NPAS2: variants seen among roughly 807,000 people sequenced by gnomAD.
NPAS2 encodes neuronal PAS domain-containing protein 2.
In NPAS2, 23 loss-of-function variants were observed where a neutral mutation model predicts 107.5. The ratio of observed to expected loss-of-function variants is 0.21; its 90% confidence interval spans 0.15 to 0.30. The LOEUF (loss-of-function observed/expected upper bound fraction) is 0.30, where lower values mean the gene tolerates loss of function less well. Among genes scored for constraint, NPAS2 ranks in the 10% least tolerant of loss-of-function variants. The pLI, the probability that NPAS2 is intolerant of heterozygous loss-of-function variation, is 1.00. For missense variants in NPAS2, 756 were observed against 1,043.3 expected, an observed-to-expected ratio of 0.72 and a Z score of 3.79; for synonymous variants, 403 against 417.5, an observed-to-expected ratio of 0.97 and a Z score of 0.42.
At position 100,976,086 on chromosome 2, in the gene NPAS2, A is replaced by G. The variant is rs1193211888; in HGVS notation, c.1392+519A>G. Among the ~76,000 whole-genome samples, 1 of 152,112 alleles carries G rather than the reference A, an allele frequency of 6.6e-6. No homozygotes were observed. The highest frequency in any genetic ancestry group is 2.4e-5 in the African/African-American group (1 of 41,416). ...TATTGCCAGGTAGCAAACTACACCT[A>G]ACTTAGTGGCCTAAAGCAACCACAT... On this transcript the variant is annotated intron_variant, in intron 14 of 20. Coordinates refer to ENST00000335681, the MANE Select transcript of NPAS2 (RefSeq NM_002518.4). This position sits in a 1 kb window ranked among gnomAD's most constrained non-coding sequence, Gnocchi z 4.1.
chr2:100,937,176 C>T (rs557909856), intron 4 of NPAS2, among the ~76,000 whole-genome samples: 2 of 152,192 alleles, frequency 1.3e-5, no homozygotes, highest in Non-Finnish European at 2.9e-5. Context: ...TTACGCAACC[C>T]CCACACCCAC....
At chr2:100,831,531 C>T (rs1676736641) in intron 1 of NPAS2, among the ~76,000 whole-genome samples, 1 of 152,094 alleles carries the variant, frequency 6.6e-6, no homozygotes, top group African/African-American at 2.4e-5. Flanking sequence ...AGAACGATTG[C>T]TCTGCAGCTC....
At chr2:100,950,498 T>G (rs1194340430) in intron 7 of NPAS2, among the ~76,000 whole-genome samples, 1 of 152,098 alleles carries the variant, frequency 6.6e-6, no homozygotes, top group Non-Finnish European at 1.5e-5. Context: ...TGTCCCAGGG[T>G]TTCTATTAGA....
chr2:100,859,350 T>G (rs764515186), intron 1 of NPAS2, among the ~76,000 whole-genome samples: 12 of 152,166 alleles, frequency 7.9e-5, no homozygotes, highest in Non-Finnish European at 1.3e-4. Context: ...GATCTTTTGT[T>G]CAGTCCTTTA....
At chr2:100,949,307 T>C in intron 6 of NPAS2, 60 bp from the exon 7 acceptor site, 2 of 957,514 alleles carry the variant, frequency 2.1e-6, no homozygotes, top group South Asian at 2.6e-5. Context: ...ACGCTACTTG[T>C]TTAGAGTCTG....
intron 8 of NPAS2, among the ~76,000 whole-genome samples, 177 bp downstream of exon 8, chr2:100,964,353 C>T (rs1159872089): frequency 1.3e-5 from 2 of 152,236 alleles, no homozygotes; most frequent in African/African-American, 2.4e-5. Context: ...TGCCCCGTTT[C>T]CTGCAAGTGG....
intron 1 of NPAS2, among the ~76,000 whole-genome samples, chr2:100,895,464 C>T (rs1271081814): frequency 6.6e-6 from 1 of 152,194 alleles, no homozygotes; most frequent in East Asian, 1.9e-4. Flanking sequence ...CAGTTTGGGT[C>T]GCCTGACCCC....
intron 1 of NPAS2, among the ~76,000 whole-genome samples, chr2:100,860,986 A>G (rs1425268823): frequency 6.6e-6 from 1 of 151,150 alleles, no homozygotes; most frequent in East Asian, 1.9e-4. Context: ...GGCTCAAGCG[A>G]TCCTCTCACC....
intron 15 of NPAS2, among the ~76,000 whole-genome samples, chr2:100,979,529 CT>C (rs1558935601): frequency 1.8e-4 from 5 of 28,484 alleles, no homozygotes; most frequent in Admixed American, 4.1e-4. Context: ...TTTTTTTTTT[CT>C]GAGACGGAGT....
chr2:100,912,424 C>T (rs1682619406), intron 2 of NPAS2, among the ~76,000 whole-genome samples: 1 of 152,096 alleles, frequency 6.6e-6, no homozygotes, highest in Non-Finnish European at 1.5e-5. Context: ...TTGGTTTAGG[C>T]ATTAACTATT....
At chr2:100,945,018 T>A (rs1674800371) in intron 5 of NPAS2, among the ~76,000 whole-genome samples, 1 of 152,182 alleles carries the variant, frequency 6.6e-6, no homozygotes, top group Non-Finnish European at 1.5e-5. Context: ...AAGACTACTG[T>A]CATCTGTGAA....
chr2:100,924,966 T>C (rs2104894321), intron 2 of NPAS2, among the ~76,000 whole-genome samples, 180 bp from the exon 3 acceptor site: 1 of 152,332 alleles, frequency 6.6e-6, no homozygotes, highest in Middle Eastern at 3.4e-3. Flanking sequence ...GCCAAGAGTC[T>C]AGCAAAACAT....
chr2:100,979,059 C>T (rs1677231035), intron 15 of NPAS2, among the ~76,000 whole-genome samples: 2 of 152,182 alleles, frequency 1.3e-5, no homozygotes, highest in Non-Finnish European at 2.9e-5. Flanking sequence ...CATCTGTCAC[C>T]ACTGATGAAA....
chr2:100,952,033 T>C (rs1675254802), intron 7 of NPAS2, among the ~76,000 whole-genome samples: 1 of 150,864 alleles, frequency 6.6e-6, no homozygotes, highest in Non-Finnish European at 1.5e-5. Flanking sequence ...GCGCCTGTAG[T>C]CCCAGCTACT....
intron 14 of NPAS2, among the ~76,000 whole-genome samples, chr2:100,975,884 T>G (rs548082773): frequency 2.6e-5 from 4 of 152,318 alleles, no homozygotes; most frequent in Admixed American, 6.5e-5. Flanking sequence ...ATTAGGATTC[T>G]TCTGTTTTGA....
chr2:100,975,075 AC>A, intron 13 of NPAS2, 131 bp downstream of exon 13: 1 of 919,746 alleles, frequency 1.1e-6, no homozygotes, highest in East Asian at 2.7e-5. Flanking sequence ...TGCAGTTTAT[AC>A]TCCTCCTTTC....
intron 1 of NPAS2, among the ~76,000 whole-genome samples, chr2:100,867,810 G>A (rs1679349057): frequency 6.6e-6 from 1 of 151,900 alleles, no homozygotes; most frequent in Admixed American, 6.6e-5. Context: ...CAAAGTGCTG[G>A]GACTACAGAC....
chr2:100,826,182 G>A (rs1261968416), intron 1 of NPAS2, among the ~76,000 whole-genome samples: 1 of 152,132 alleles, frequency 6.6e-6, no homozygotes, highest in East Asian at 1.9e-4. Flanking sequence ...ACTGACTCAC[G>A]CCTGTAATCC....
intron 5 of NPAS2, among the ~76,000 whole-genome samples, chr2:100,940,389 A>T (rs1674504855): frequency 6.6e-6 from 1 of 152,230 alleles, no homozygotes; most frequent in African/African-American, 2.4e-5. Flanking sequence ...TAACTATTAA[A>T]TATCACTCCT....
Sources: allele counts gnomAD v4.1 joint callset (sites outside exome capture counted in the v4.1 genomes callset), GRCh38; gene constraint gnomAD v4.1.1; non-coding constraint Gnocchi (gnomAD v3.1); transcripts MANE v1.5; gene names NCBI Gene and HGNC (gene_info 2026-07-23, HGNC 2026-07-21).